Variants in EDIL3 observed in about 807,000 individuals in gnomAD.
EDIL3 encodes EGF like and discoidin domains 3, also known as EGF-like repeat and discoidin I-like domain-containing protein 3.
EDIL3 carries 37 observed loss-of-function variants against 67.4 expected under a neutral mutation model. That is an observed-to-expected ratio of 0.55 (90% CI 0.42 to 0.72). The LOEUF is 0.72. Among genes scored for constraint, EDIL3 ranks in the 30% least tolerant of loss-of-function variants. EDIL3 has a pLI of 0.00. For missense variants in EDIL3, 527 were observed against 586.3 expected (o/e 0.90, Z 1.04); for synonymous variants, 195 against 196.3 (o/e 0.99, Z 0.05).
intron 3 of EDIL3, among the ~76,000 whole-genome samples, chr5:84,223,202 T>A (rs1744381043): frequency 6.6e-6 from 1 of 151,784 alleles, no homozygotes; most frequent in African/African-American, 2.4e-5. Flanking sequence ...GGGAATGTAA[T>A]CTGGTGCAGC....
At chr5:84,339,544 C>T (rs1443336679) in intron 1 of EDIL3, among the ~76,000 whole-genome samples, 1 of 152,082 alleles carries the variant, frequency 6.6e-6, no homozygotes, top group Non-Finnish European at 1.5e-5. Context: ...GGATATTTTC[C>T]TATCTACTTA....
chr5:83,995,447 A>T (rs1177261325), intron 9 of EDIL3, among the ~76,000 whole-genome samples: 1 of 152,194 alleles, frequency 6.6e-6, no homozygotes, highest in African/African-American at 2.4e-5. Flanking sequence ...TCTCTGTATC[A>T]GTCTATAGAG....
chr5:84,161,027 A>G (rs1261146505), intron 4 of EDIL3, among the ~76,000 whole-genome samples: 3 of 151,832 alleles, frequency 2.0e-5, no homozygotes, highest in African/African-American at 4.8e-5. Flanking sequence ...ATGGTTCATT[A>G]TATCATTCTT....
intron 4 of EDIL3, among the ~76,000 whole-genome samples, chr5:84,153,928 G>T (rs1037758347): frequency 1.3e-5 from 2 of 152,126 alleles, no homozygotes; most frequent in African/African-American, 4.8e-5. Flanking sequence ...GAGTGTTGCT[G>T]GGGAGTGGTG....
intron 1 of EDIL3, among the ~76,000 whole-genome samples, chr5:84,312,519 C>G (rs996486063): frequency 6.8e-6 from 1 of 146,950 alleles, no homozygotes; most frequent in Non-Finnish European, 1.5e-5. Flanking sequence ...GCTGACCCCC[C>G]CACCTCCCTC....
chr5:84,278,214 A>G (rs528597938), intron 1 of EDIL3, among the ~76,000 whole-genome samples: 13 of 152,310 alleles, frequency 8.5e-5, no homozygotes, highest in African/African-American at 3.1e-4. Flanking sequence ...CAAACAACAT[A>G]TGGAAAAGAA....
intron 1 of EDIL3, among the ~76,000 whole-genome samples, chr5:84,291,172 G>A (rs985694845): frequency 6.6e-6 from 1 of 152,148 alleles, no homozygotes; most frequent in African/African-American, 2.4e-5. Context: ...ACTAAAGTGA[G>A]AAAAGAGCTG....
chr5:84,011,826 C>A (rs779874465), intron 9 of EDIL3, among the ~76,000 whole-genome samples: 1 of 152,122 alleles, frequency 6.6e-6, no homozygotes, highest in Non-Finnish European at 1.5e-5. Flanking sequence ...AGAGAGGTGG[C>A]CCCTCTGACT....
chr5:84,121,731 C>T (rs1580337284), intron 5 of EDIL3, among the ~76,000 whole-genome samples: 3 of 152,016 alleles, frequency 2.0e-5, no homozygotes, highest in Non-Finnish European at 4.4e-5. Context: ...CAGCTCATGC[C>T]TCTGTCCTTT....
chr5:84,077,271 T>C (rs1307113048), intron 6 of EDIL3, among the ~76,000 whole-genome samples: 1 of 152,208 alleles, frequency 6.6e-6, no homozygotes, highest in Non-Finnish European at 1.5e-5. Context: ...ATGAAAATTG[T>C]GTTGATTTGT....
At chr5:84,253,453 A>G (rs981173464) in intron 2 of EDIL3, among the ~76,000 whole-genome samples, 2 of 152,156 alleles carry the variant, frequency 1.3e-5, no homozygotes, top group Non-Finnish European at 2.9e-5. Context: ...TATTTCCTTA[A>G]TGGGGACCTA....
chr5:84,001,223 A>G (rs1220174144), intron 9 of EDIL3, among the ~76,000 whole-genome samples: 1 of 151,848 alleles, frequency 6.6e-6, no homozygotes, highest in Non-Finnish European at 1.5e-5. Flanking sequence ...ATTTTTTTGT[A>G]TTTTTAGTAA....
intron 4 of EDIL3, among the ~76,000 whole-genome samples, chr5:84,145,290 T>C (rs1429225408): frequency 6.6e-6 from 1 of 152,096 alleles, no homozygotes; most frequent in Non-Finnish European, 1.5e-5. Flanking sequence ...ATAGCTGTAT[T>C]AAATTAGGAA....
At chr5:84,367,900 A>T (rs1747774044) in intron 1 of EDIL3, among the ~76,000 whole-genome samples, 1 of 152,170 alleles carries the variant, frequency 6.6e-6, no homozygotes, top group Non-Finnish European at 1.5e-5. Context: ...TGATCACTGT[A>T]ATTTTGGCAC....
At chr5:84,115,261 T>G (rs1257137021) in intron 5 of EDIL3, among the ~76,000 whole-genome samples, 1 of 152,180 alleles carries the variant, frequency 6.6e-6, no homozygotes, top group African/African-American at 2.4e-5. Flanking sequence ...ATTTATAAAG[T>G]CACAAATGCA....
chr5:84,149,348 ACTAGG>A (rs1432472871), intron 4 of EDIL3, among the ~76,000 whole-genome samples: 2 of 152,190 alleles, frequency 1.3e-5, no homozygotes, highest in African/African-American at 4.8e-5. Flanking sequence ...TGGAGCCCAC[ACTAGG>A]CCAAGAGAAC....
rs140204599 is a variant in EDIL3, at chr5:84,280,349, C to G, written c.68-26137G>C. ...TCTAGAAGCATTCATTCAATGGTGA[C>G]TATTTTACTAGTATATTCTAATGAT... On this transcript the variant is annotated intron_variant, in intron 1 of 10. Coordinates refer to ENST00000296591, the MANE Select transcript of EDIL3 (RefSeq NM_005711.5). Among the ~76,000 whole-genome samples, 464 of 152,194 alleles carry G rather than the reference C, an allele frequency of 3.0e-3. 2 individuals are homozygous for G. The highest frequency in any genetic ancestry group is 0.011 in the African/African-American group (450 of 41,526).
chr5:84,327,766 G>A (rs745673278), intron 1 of EDIL3, among the ~76,000 whole-genome samples: 24 of 152,048 alleles, frequency 1.6e-4, no homozygotes, highest in Non-Finnish European at 2.4e-4. Context: ...GTGAATGAGC[G>A]CCCCAATGCC....
At chr5:84,238,625 A>AT (rs1273287266) in intron 2 of EDIL3, among the ~76,000 whole-genome samples, 2 of 96,200 alleles carry the variant, frequency 2.1e-5, no homozygotes, top group Non-Finnish European at 4.2e-5. Context: ...GCTTTAGAGG[A>AT]TTTTTTTTCT....
Sources: gnomAD v4.1 joint callset for allele counts (sites outside exome capture counted in the v4.1 genomes callset) on GRCh38, gnomAD v4.1.1 for gene constraint, MANE v1.5 for transcripts, NCBI Gene and HGNC (gene_info 2026-07-23, HGNC 2026-07-21) for gene names.